Variants in DIAPH3 observed in about 807,000 individuals in gnomAD.
The protein encoded by DIAPH3 is diaphanous related formin 3, also known as protein diaphanous homolog 3.
Under a neutral mutation model 144.3 loss-of-function variants are expected in DIAPH3, and 117 were observed. That is an observed-to-expected ratio of 0.81 (90% CI 0.70 to 0.95). The LOEUF is 0.95. Among genes scored for constraint, DIAPH3 ranks in the 40% least tolerant of loss-of-function variants. The pLI is 0.00. For missense variants in DIAPH3, 1,421 were observed against 1,412.7 expected, an observed-to-expected ratio of 1.01 and a Z score of -0.09; for synonymous variants, 519 against 488.9, an observed-to-expected ratio of 1.06 and a Z score of -0.81.
At chr13:59,952,957 C>T (rs537825993) in intron 17 of DIAPH3, among the ~76,000 whole-genome samples, 2 of 152,180 alleles carry the variant, frequency 1.3e-5, no homozygotes, top group Admixed American at 1.3e-4. Flanking sequence ...GCTTAAATTC[C>T]AGTGGGAGTA....
intron 9 of DIAPH3, among the ~76,000 whole-genome samples, chr13:59,998,591 G>GAA (rs2052347479): frequency 6.6e-6 from 1 of 152,082 alleles, no homozygotes; most frequent in Non-Finnish European, 1.5e-5. Context: ...GGTAGATTCA[G>GAA]AAAACTGCCA....
intron 1 of DIAPH3, among the ~76,000 whole-genome samples, chr13:60,149,074 G>T (rs1217669332): frequency 6.6e-6 from 1 of 152,198 alleles, no homozygotes; most frequent in Admixed American, 6.5e-5. Context: ...AAAGGGTCAA[G>T]GGAAAGTTGA....
intron 4 of DIAPH3, among the ~76,000 whole-genome samples, chr13:60,089,236 G>C (rs1485835346): frequency 6.6e-6 from 1 of 152,110 alleles, no homozygotes; most frequent in African/African-American, 2.4e-5. Context: ...CTAAGTGAAG[G>C]CAGCAACTCT....
intron 22 of DIAPH3, among the ~76,000 whole-genome samples, chr13:59,856,389 A>G (rs1262583753): frequency 2.0e-5 from 3 of 152,190 alleles, no homozygotes; most frequent in African/African-American, 7.2e-5. Flanking sequence ...CTTAAACAAC[A>G]GAAATTCATT....
At chr13:59,983,230 G>C (rs1278076126) in intron 13 of DIAPH3, among the ~76,000 whole-genome samples, 1 of 149,288 alleles carries the variant, frequency 6.7e-6, no homozygotes, top group Admixed American at 6.7e-5. Flanking sequence ...AAAGGCTTCG[G>C]GGGGGACAGG....
intron 25 of DIAPH3, among the ~76,000 whole-genome samples, chr13:59,785,845 G>T (rs760188442): frequency 5.9e-5 from 9 of 152,104 alleles, no homozygotes; most frequent in Non-Finnish European, 1.2e-4. Flanking sequence ...TGTATATGTT[G>T]ATAACCACTC....
At chr13:59,981,511 C>CAAAA (rs1199990424) in intron 13 of DIAPH3, among the ~76,000 whole-genome samples, 1 of 91,154 alleles carries the variant, frequency 1.1e-5, no homozygotes, top group Non-Finnish European at 2.4e-5. Context: ...TGATGTTAGA[C>CAAAA]AAAAAAAAAA....
Position 59,802,662 on chromosome 13 carries a change from TTATTA to T in DIAPH3, c.3163+8121_3163+8125del, listed in dbSNP as rs1346498818. Reference sequence around the variant, plus strand: ...TTGATCTATATTATTATTATTATTATTATTATTTTTTTTTTTTTTTTTTTTTTTTT... The same window carrying T: ...TTGATCTATATTATTATTATTATTATTTTTTTTTTTTTTTTTTTTTTTTTT... On this transcript the variant is annotated intron_variant, in intron 25 of 27. Coordinates refer to ENST00000400324, the MANE Select transcript of DIAPH3 (RefSeq NM_001042517.2). Among the ~76,000 whole-genome samples the T allele has an allele frequency of 2.5e-3, 85 of 34,454 alleles. 3 individuals are homozygous for T. Among genetic ancestry groups the T allele is most frequent in the African/African-American group, 6.8e-3 (79 of 11,634 alleles). 22.6% of individuals were successfully genotyped at this position (34,454 alleles called of 152,430 possible). A position where few individuals can be genotyped will look rare whatever the true frequency, so the allele number is the denominator to read the frequency against.
intron 20 of DIAPH3, 90 bp from the exon 21 acceptor site, chr13:59,879,558 G>T: frequency 6.5e-7 from 1 of 1,550,330 alleles, no homozygotes; most frequent in Admixed American, 1.7e-5. Context: ...TGATTTATTG[G>T]TATGACAGTA....
chr13:60,087,934 A>T (rs1448150268), intron 4 of DIAPH3, among the ~76,000 whole-genome samples: 1 of 152,212 alleles, frequency 6.6e-6, no homozygotes, highest in Non-Finnish European at 1.5e-5. Flanking sequence ...TACGTGGATA[A>T]GGGAGGTGAG....
intron 21 of DIAPH3, among the ~76,000 whole-genome samples, chr13:59,876,517 A>T (rs1423796903): frequency 6.6e-6 from 1 of 152,188 alleles, no homozygotes; most frequent in African/African-American, 2.4e-5. Context: ...ATTGTATCTC[A>T]ATGAGAGGAT....
At chr13:59,983,139 T>TA (rs4054895) in intron 13 of DIAPH3, among the ~76,000 whole-genome samples, 11,386 of 104,212 alleles carry the variant, frequency 0.11, 667 homozygotes, top group Admixed American at 0.13. Context: ...GCTTTATCTT[T>TA]AAAAAAAAAA....
At chr13:59,736,969 AC>A (rs2036185029) in intron 27 of DIAPH3, among the ~76,000 whole-genome samples, 1 of 152,140 alleles carries the variant, frequency 6.6e-6, no homozygotes, top group Non-Finnish European at 1.5e-5. Context: ...TTGAAACTGG[AC>A]CCCTTCCTTA....
At chr13:59,974,718 G>C (rs1312559372) in intron 14 of DIAPH3, among the ~76,000 whole-genome samples, 1 of 151,868 alleles carries the variant, frequency 6.6e-6, no homozygotes, top group Non-Finnish European at 1.5e-5. Flanking sequence ...GAGCAAACTG[G>C]CCACAGTTAT....
chr13:59,758,925 G>A (rs1309263292), intron 27 of DIAPH3, among the ~76,000 whole-genome samples: 7 of 150,600 alleles, frequency 4.6e-5, no homozygotes, highest in South Asian at 2.1e-4. Flanking sequence ...GACCATGGGC[G>A]CACACCACCA....
chr13:59,968,158 G>C (rs754749654), intron 17 of DIAPH3, among the ~76,000 whole-genome samples: 1 of 152,088 alleles, frequency 6.6e-6, no homozygotes, highest in Non-Finnish European at 1.5e-5. Flanking sequence ...GATGACTTAA[G>C]AATTTTTTAA....
intron 27 of DIAPH3, among the ~76,000 whole-genome samples, chr13:59,720,666 T>C (rs2035298424): frequency 6.6e-6 from 1 of 152,156 alleles, no homozygotes; most frequent in African/African-American, 2.4e-5. Context: ...TCCAAAGAGC[T>C]GTCCTCTGTA....
chr13:59,841,953 C>A (rs1259739856), intron 22 of DIAPH3, among the ~76,000 whole-genome samples: 6 of 152,016 alleles, frequency 3.9e-5, no homozygotes, highest in African/African-American at 1.4e-4. Flanking sequence ...TGAATTCAAG[C>A]AGTTTCATTC....
intron 2 of DIAPH3, among the ~76,000 whole-genome samples, chr13:60,114,138 G>C (rs2058640888): frequency 6.6e-6 from 1 of 151,952 alleles, no homozygotes; most frequent in Non-Finnish European, 1.5e-5. Context: ...GAAACAGCCA[G>C]AAGTAGAACT....
Sources: gnomAD v4.1 joint callset for allele counts (sites outside exome capture counted in the v4.1 genomes callset) on GRCh38, gnomAD v4.1.1 for gene constraint, MANE v1.5 for transcripts, NCBI Gene and HGNC (gene_info 2026-07-23, HGNC 2026-07-21) for gene names.